Variants in KCTD8 observed in about 807,000 individuals in gnomAD.
KCTD8 encodes the protein potassium channel tetramerization domain containing 8.
A neutral mutation model predicts 31.5 loss-of-function variants in KCTD8; 27 were observed. The observed-to-expected ratio is 0.86, with a 90% confidence interval of 0.63 to 1.18. The LOEUF (loss-of-function observed/expected upper bound fraction) is 1.18, where lower values mean the gene tolerates loss of function less well. Among genes scored for constraint, KCTD8 ranks in the 50% most tolerant of loss-of-function variants. The pLI, the probability that KCTD8 is intolerant of heterozygous loss-of-function variation, is 0.00. For missense variants in KCTD8, 658 were observed against 647.7 expected, an observed-to-expected ratio of 1.02 and a Z score of -0.17; for synonymous variants, 290 against 280.0, an observed-to-expected ratio of 1.04 and a Z score of -0.36.
chr4:44,409,216 T>G (rs533621637), intron 1 of KCTD8, among the ~76,000 whole-genome samples: 34 of 86,400 alleles, frequency 3.9e-4, no homozygotes, highest in African/African-American at 1.4e-3. Context: ...AGTGAGATCC[T>G]GTCAAAAGTC....
chr4:44,281,791 T>C (rs1716911668), intron 1 of KCTD8, among the ~76,000 whole-genome samples: 2 of 152,110 alleles, frequency 1.3e-5, no homozygotes, highest in South Asian at 4.1e-4. Context: ...CTATCAATAA[T>C]AGGAGTAATC....
intron 1 of KCTD8, among the ~76,000 whole-genome samples, chr4:44,425,980 C>A (rs887296230): frequency 1.1e-4 from 17 of 151,056 alleles, no homozygotes; most frequent in Admixed American, 7.9e-4. Flanking sequence ...GATATGTAAC[C>A]AAAGGCAATA....
intron 1 of KCTD8, among the ~76,000 whole-genome samples, chr4:44,442,774 T>TACACACAC (rs1553908576): frequency 3.4e-5 from 5 of 147,340 alleles, no homozygotes; most frequent in African/African-American, 5.0e-5. Context: ...AACTAAGGTA[T>TACACACAC]ACACACACAC....
At chr4:44,295,493 G>A (rs1415159053) in intron 1 of KCTD8, among the ~76,000 whole-genome samples, 1 of 150,466 alleles carries the variant, frequency 6.6e-6, no homozygotes, top group East Asian at 2.0e-4. Context: ...GAAAGGGAGG[G>A]AAAGCAAAGA....
At chr4:44,333,672 A>C (rs1718645409) in intron 1 of KCTD8, among the ~76,000 whole-genome samples, 1 of 152,122 alleles carries the variant, frequency 6.6e-6, no homozygotes, top group Non-Finnish European at 1.5e-5. Flanking sequence ...ACAGATTAGA[A>C]AGTAAAAATA....
chr4:44,205,468 T>C (rs1714276261), intron 1 of KCTD8, among the ~76,000 whole-genome samples: 1 of 152,224 alleles, frequency 6.6e-6, no homozygotes, highest in Non-Finnish European at 1.5e-5. Context: ...CAAAAATATA[T>C]GCTGGATGAA....
At chr4:44,297,802 T>C (rs540251472) in intron 1 of KCTD8, among the ~76,000 whole-genome samples, 57 of 152,304 alleles carry the variant, frequency 3.7e-4, no homozygotes, top group South Asian at 2.9e-3. Context: ...GCAACTTACA[T>C]GAACACAGCA....
rs566397293 is a variant in KCTD8, at chr4:44,300,534, T to C, written c.962-125284A>G. 2.6e-5 allele frequency among the ~76,000 whole-genome samples: 4 copies of C among 152,172 alleles called. No individual in the cohort carries two copies. In the East Asian group the frequency reaches 5.8e-4, roughly 22 times the overall value. On this transcript the variant is annotated intron_variant, in intron 1 of 1. Transcript: ENST00000360029. ...CATTTTCTGTATTGCCATCTCTTTT[T>C]AAATAAAAACTTGTTTGAAATATTC...
Position 44,448,203 on chromosome 4 carries a change from C to T in KCTD8, c.321G>A (p.Arg107=). ...FFIDRDGFLF[R]YVLDYLRDKQ... ...TGTCCCGCAGATAATCCAGCACGTA[C>T]CTGAAAAGGAAGCCGTCCCGGTCGA... Residue 107 remains arginine (R), a synonymous_variant, in exon 1 of 2, where the codon AGG becomes AGA. Coordinates refer to ENST00000360029, the MANE Select transcript of KCTD8 (RefSeq NM_198353.3). This position sits in a 1 kb window ranked among gnomAD's most constrained non-coding sequence, Gnocchi z 4.1. 4.3e-6 allele frequency: 7 copies of T among 1,612,450 alleles called. No homozygotes were observed. Among genetic ancestry groups the T allele is most frequent in the Non-Finnish European group, 5.9e-6 (7 of 1,179,712 alleles).
intron 1 of KCTD8, among the ~76,000 whole-genome samples, chr4:44,234,541 T>C (rs905851469): frequency 6.6e-6 from 1 of 152,148 alleles, no homozygotes; most frequent in African/African-American, 2.4e-5. Context: ...ACATGTCAAC[T>C]GAACAGGGAA....
chr4:44,377,290 T>C (rs1719939244), intron 1 of KCTD8, among the ~76,000 whole-genome samples: 1 of 152,166 alleles, frequency 6.6e-6, no homozygotes, highest in African/African-American at 2.4e-5. Context: ...CTCACACATG[T>C]TTGGACACTG....
In KCTD8 at chr4:44,351,435, A is replaced by T. The variant is rs576170292; in HGVS notation, c.961+96128T>A. On this transcript the variant is annotated intron_variant, in intron 1 of 1. Transcript: ENST00000360029. Reference sequence around the variant, plus strand: ...CATTTAGTTGGTATGAAACCAAATTAGATTTCCATATCATTTTGGCCGTTT... The same window carrying T: ...CATTTAGTTGGTATGAAACCAAATTTGATTTCCATATCATTTTGGCCGTTT... 7.2e-4 allele frequency among the ~76,000 whole-genome samples: 110 copies of T among 152,304 alleles called. 1 individual carries two copies. The highest frequency in any genetic ancestry group is 5.4e-4 in the Non-Finnish European group (37 of 68,006).
At chr4:44,401,515 A>C (rs1390305466) in intron 1 of KCTD8, among the ~76,000 whole-genome samples, 1 of 152,164 alleles carries the variant, frequency 6.6e-6, no homozygotes, top group Non-Finnish European at 1.5e-5. Flanking sequence ...AGAACAATCA[A>C]GTCATAGTAA....
At chr4:44,255,099 G>C (rs535521505) in intron 1 of KCTD8, among the ~76,000 whole-genome samples, 1 of 151,888 alleles carries the variant, frequency 6.6e-6, no homozygotes, top group South Asian at 2.1e-4. Flanking sequence ...CAGTGTCCAG[G>C]AACAAACAGA....
intron 1 of KCTD8, among the ~76,000 whole-genome samples, chr4:44,345,113 G>GT (rs1179824616): frequency 1.1e-4 from 16 of 151,970 alleles, no homozygotes; most frequent in Non-Finnish European, 2.1e-4. Flanking sequence ...CTTATGCTAG[G>GT]TATTTCTAGG....
intron 1 of KCTD8, among the ~76,000 whole-genome samples, chr4:44,212,787 A>T (rs991497243): frequency 1.3e-5 from 2 of 152,164 alleles, no homozygotes; most frequent in South Asian, 2.1e-4. Flanking sequence ...TCTCATCTAA[A>T]AGTCTATAAA....
intron 1 of KCTD8, among the ~76,000 whole-genome samples, chr4:44,183,233 T>C (rs1713480322): frequency 6.6e-6 from 1 of 152,228 alleles, no homozygotes; most frequent in African/African-American, 2.4e-5. Context: ...AGATAATATA[T>C]GTGAATGCAA....
At chr4:44,301,113 T>C (rs898153045) in intron 1 of KCTD8, among the ~76,000 whole-genome samples, 4 of 152,080 alleles carry the variant, frequency 2.6e-5, no homozygotes, top group African/African-American at 9.7e-5. Flanking sequence ...ATCCAGTCTA[T>C]CGTTGTTGGA....
intron 1 of KCTD8, among the ~76,000 whole-genome samples, chr4:44,270,531 T>TA (rs1348817610): frequency 6.6e-6 from 1 of 151,934 alleles, no homozygotes; most frequent in African/African-American, 2.4e-5. Flanking sequence ...CCCTAAAACT[T>TA]AAAGTATAAT....
Sources: gnomAD v4.1 joint callset for allele counts (sites outside exome capture counted in the v4.1 genomes callset) on GRCh38, gnomAD v4.1.1 for gene constraint, Gnocchi (gnomAD v3.1) non-coding constraint, MANE v1.5 for transcripts, NCBI Gene and HGNC (gene_info 2026-07-23, HGNC 2026-07-21) for gene names.